Variants in XRN1 observed in about 807,000 individuals in gnomAD.
XRN1 encodes 5'-3' exoribonuclease 1.
In XRN1, 67 loss-of-function variants were observed where a neutral mutation model predicts 222.3. The ratio of observed to expected loss-of-function variants is 0.30; its 90% CI spans 0.25 to 0.37. The LOEUF is 0.37. Ranked by LOEUF, XRN1 falls within the 10% of genes least tolerant of loss-of-function variation. The pLI is 1.00. For missense variants in XRN1, 1,707 were observed against 2,000.2 expected (o/e 0.85, Z 2.80); for synonymous variants, 643 against 652.4 (o/e 0.99, Z 0.22).
rs1050475837 is a variant in XRN1, at chr3:142,415,719, A to C, written c.1436+1421T>G. 1.3e-3 allele frequency among the ~76,000 whole-genome samples: 191 copies of C among 152,334 alleles called. 1 individual carries two copies. The highest frequency in any genetic ancestry group is 2.4e-3 in the Non-Finnish European group (166 of 68,030). The stretch of plus-strand genomic sequence containing the variant: ...GGCTTTATGTAGTAAGTGAAACCAT[A>C]ATTAATGTCACATTATTTTGCACTG... On this transcript the variant is annotated intron_variant, in intron 13 of 40. Coordinates refer to ENST00000392981, the MANE Select transcript of XRN1 (RefSeq NM_001282857.2).
intron 3 of XRN1, among the ~76,000 whole-genome samples, chr3:142,426,144 G>A (rs1240184382): frequency 1.3e-5 from 2 of 152,056 alleles, no homozygotes; most frequent in Non-Finnish European, 2.9e-5. Flanking sequence ...AATTACCACT[G>A]TTAGTAAAGA....
At chr3:142,332,908 T>C in intron 35 of XRN1, 59 bp downstream of exon 35, 1 of 1,595,120 alleles carries the variant, frequency 6.3e-7, no homozygotes, top group South Asian at 1.1e-5. Flanking sequence ...ATGGGATATG[T>C]CTGCATGGTC....
At chr3:142,324,927 T>C (rs910326215) in intron 37 of XRN1, among the ~76,000 whole-genome samples, 13 of 152,128 alleles carry the variant, frequency 8.5e-5, no homozygotes, top group African/African-American at 2.9e-4. Context: ...GAAGTGTGTA[T>C]ATATATACAC....
rs2065004078 is a variant in XRN1 at position 142,308,085 on chromosome 3, C to A, written c.*3426G>T. 6.6e-6 allele frequency: 1 copy of A among 152,038 alleles called. No homozygotes were observed. Among genetic ancestry groups the A allele is most frequent in the Non-Finnish European group, 1.5e-5 (1 of 67,996 alleles). 9.4% of individuals were successfully genotyped at this position (152,038 alleles called of 1,614,324 possible). A position where few individuals can be genotyped will look rare whatever the true frequency, so the allele number is the denominator to read the frequency against. ...CAGAACTAACTTGAGTGAAGATCTG[C>A]ACAGCTCTATCTCATATAATAAAAG... On this transcript the variant is annotated 3_prime_UTR_variant, in exon 41 of 41. Transcript: ENST00000392981.
intron 1 of XRN1, among the ~76,000 whole-genome samples, chr3:142,438,871 T>C (rs1347248768): frequency 6.6e-6 from 1 of 152,150 alleles, no homozygotes; most frequent in Non-Finnish European, 1.5e-5. Flanking sequence ...GTTTATGCCC[T>C]ACAGGAAGCC....
At chr3:142,342,594 C>T (rs754841780) in intron 33 of XRN1, among the ~76,000 whole-genome samples, 6 of 152,008 alleles carry the variant, frequency 3.9e-5, no homozygotes, top group Non-Finnish European at 8.8e-5. Context: ...TAAAAACAAA[C>T]ACACAGACCG....
chr3:142,318,593 A>G lies in XRN1; in HGVS notation c.4620T>C (p.Thr1540=), dbSNP rs751028770. ...GTIPPAFPPP[T]ANIMPSSSHL... ...ACTTATAAATGAAAAATATCTTACCAGTAGGTGGGGGAAAGGCTGGAGGAA... is the reference window on the plus strand; with the variant it reads ...ACTTATAAATGAAAAATATCTTACCGGTAGGTGGGGGAAAGGCTGGAGGAA... Residue 1540 remains threonine (T), a splice_region_variant and synonymous_variant, in exon 39 of 41, where the codon ACT becomes ACC. Transcript: ENST00000392981. 5 of 1,600,690 alleles carry G rather than the reference A, an allele frequency of 3.1e-6. No homozygotes were observed. Among genetic ancestry groups the G allele is most frequent in the Non-Finnish European group, 4.3e-6 (5 of 1,173,732 alleles).
At chr3:142,393,691 A>G (rs974310229) in intron 20 of XRN1, among the ~76,000 whole-genome samples, 10 of 152,330 alleles carry the variant, frequency 6.6e-5, no homozygotes, top group African/African-American at 2.4e-4. Context: ...GACATTATCC[A>G]TAACTACCGA....
chr3:142,327,303 G>C, intron 37 of XRN1, among the ~76,000 whole-genome samples: 1 of 151,800 alleles, frequency 6.6e-6, no homozygotes, highest in Non-Finnish European at 1.5e-5. Flanking sequence ...TTCAAGTTTT[G>C]GATTTCTTCA....
Position 142,356,791 on chromosome 3 carries a change from A to G in XRN1, c.3672+121T>C, listed in dbSNP as rs1247220245. ...GTATCTTAAATTTGGAATTGACCTGAGCCAAAACTTTTTAAATAAAAGAGG... is the reference window on the plus strand; with the variant it reads ...GTATCTTAAATTTGGAATTGACCTGGGCCAAAACTTTTTAAATAAAAGAGG... On this transcript the variant is annotated intron_variant, in intron 31 of 40. Coordinates refer to ENST00000392981, the MANE Select transcript of XRN1 (RefSeq NM_001282857.2). 1.2e-5 allele frequency: 13 copies of G among 1,068,458 alleles called. No individual in the cohort carries two copies. The East Asian group carries it at 3.4e-4, about 28-fold the overall frequency. The allele number at this position is 1,068,458 out of a possible 1,614,324, so 66.2% of individuals were successfully genotyped here. A position where few individuals can be genotyped will look rare whatever the true frequency, so the allele number is the denominator to read the frequency against.
intron 29 of XRN1, among the ~76,000 whole-genome samples, chr3:142,362,765 T>TTC (rs1216982730): frequency 3.4e-5 from 5 of 146,192 alleles, no homozygotes; most frequent in Admixed American, 6.8e-5. Flanking sequence ...TTTCTTCCTT[T>TTC]TCTCTCTCTC....
chr3:142,414,072 G>C lies in XRN1; in HGVS notation c.1593+63C>G. 2.8e-6 allele frequency: 4 copies of C among 1,423,318 alleles called. No homozygotes were observed. In the South Asian group the frequency reaches 4.9e-5, roughly 18 times the overall value. The allele number at this position is 1,423,318 out of a possible 1,614,324, so 88.2% of individuals were successfully genotyped here. A position where few individuals can be genotyped will look rare whatever the true frequency, so the allele number is the denominator to read the frequency against. On this transcript the variant is annotated intron_variant, in intron 14 of 40. Coordinates refer to ENST00000392981, the MANE Select transcript of XRN1 (RefSeq NM_001282857.2). ...ATAAATTTGAGTATTATTGTTTCTA[G>C]GTTTGGAGGAAGAGCTTCTAAATAT...
chr3:142,331,577 G>A (rs971891067), intron 36 of XRN1, among the ~76,000 whole-genome samples: 1 of 151,918 alleles, frequency 6.6e-6, no homozygotes, highest in Non-Finnish European at 1.5e-5. Flanking sequence ...TTATAAATAA[G>A]AAACAAGATT....
At chr3:142,402,038 T>C (rs564151782) in intron 18 of XRN1, among the ~76,000 whole-genome samples, 36 of 152,334 alleles carry the variant, frequency 2.4e-4, no homozygotes, top group African/African-American at 8.2e-4. Context: ...GGCATTTCTT[T>C]ATGCTGAGAC....
Position 142,370,556 on chromosome 3 carries a change from A to G in XRN1, c.3133T>C (p.Ser1045Pro), listed in dbSNP as rs759510033. Residue 1045 changes from serine (S) to proline (P), a missense_variant, in exon 27 of 41, where the codon TCT (serine) becomes CCT (proline). This residue lies in a region of XRN1 where 1,234 missense variants were observed against 1,518.2 expected (regional missense o/e 0.81). Coordinates refer to ENST00000392981, the MANE Select transcript of XRN1 (RefSeq NM_001282857.2). ...KGHPVSTLSR[S>P]SCDLQILDAA... ...TCCAGAATTTGTAAATCACAAGAAG[A>G]ACGAGATAAAGTACTGACAGGATGT... is the stretch of plus-strand genomic sequence containing the variant. The G allele has an allele frequency of 6.2e-7, 1 of 1,608,638 alleles. No homozygotes were observed. Among genetic ancestry groups the G allele is most frequent in the Non-Finnish European group, 8.5e-7 (1 of 1,178,128 alleles).
rs765614945 is a variant in XRN1 at position 142,371,217 on chromosome 3, A to G, written c.3068+22T>C. On this transcript the variant is annotated intron_variant, in intron 26 of 40. Transcript: ENST00000392981. The stretch of plus-strand genomic sequence containing the variant: ...ACACTGAATTGAACTATGAGGTAAT[A>G]AATATCATAAATCTTGCTTACCCAT... The G allele has an allele frequency of 2.5e-6, 4 of 1,580,102 alleles. No homozygotes were observed. The Admixed American group carries it at 6.7e-5, about 27-fold the overall frequency.
rs951260886 is a variant in XRN1 at position 142,335,513 on chromosome 3, G to C, written c.3878-4C>G. ...GGACTCTTACACTCTTCTTTAACTA[G>C]AGACAAGAAAACAGAAATTTTCATA... On this transcript the variant is annotated splice_polypyrimidine_tract_variant and splice_region_variant and intron_variant, in intron 33 of 40. Transcript: ENST00000392981. The C allele has an allele frequency of 6.2e-7, 1 of 1,611,856 alleles. No individual in the cohort carries two copies. Among genetic ancestry groups the C allele is most frequent in the Non-Finnish European group, 8.5e-7 (1 of 1,179,238 alleles).
chr3:142,400,448 T>C lies in XRN1; in HGVS notation c.2203A>G (p.Thr735Ala). The stretch of plus-strand genomic sequence containing the variant: ...TATAAATCAAATCTTACTTACTTAG[T>C]TTCTCCATCTGATACAGCCACGACT... ...ARVVAVSDGE[T>A]KFYLEEPPGT... Residue 735 changes from threonine (T) to alanine (A), a missense_variant, in exon 19 of 41, where the codon ACT becomes GCT. This residue lies in a region of XRN1 where 1,234 missense variants were observed against 1,518.2 expected (regional missense o/e 0.81). Coordinates refer to ENST00000392981, the MANE Select transcript of XRN1 (RefSeq NM_001282857.2). 1 of 1,601,312 alleles carries C rather than the reference T, an allele frequency of 6.2e-7. No homozygotes were observed. Among genetic ancestry groups the C allele is most frequent in the South Asian group, 1.1e-5 (1 of 87,902 alleles).
At chr3:142,347,756 C>T (rs2107804867) in intron 32 of XRN1, among the ~76,000 whole-genome samples, 1 of 151,794 alleles carries the variant, frequency 6.6e-6, no homozygotes, top group African/African-American at 2.4e-5. Flanking sequence ...TACCATCGTG[C>T]CTGGCTAGTT....
Sources: allele counts gnomAD v4.1 joint callset (sites outside exome capture counted in the v4.1 genomes callset), GRCh38; gene constraint gnomAD v4.1.1; regional missense constraint gnomAD v4.1.1; transcripts MANE v1.5; gene names NCBI Gene and HGNC (gene_info 2026-07-23, HGNC 2026-07-21).